The following TRPM2 variants were observed in gnomAD, a reference collection of about 807,000 sequenced individuals.
The protein encoded by TRPM2 is transient receptor potential cation channel subfamily M member 2, also known as estrogen-responsive element-associated gene 1 protein.
A neutral mutation model predicts 174.0 loss-of-function variants in TRPM2; 161 were observed. The ratio of observed to expected loss-of-function variants is 0.93; its 90% CI spans 0.81 to 1.05. The LOEUF (loss-of-function observed/expected upper bound fraction) is 1.05. Ranked by LOEUF, TRPM2 falls within the 50% of genes least tolerant of loss-of-function variation. The probability of loss-of-function intolerance (pLI) is 0.00; values close to 1 mark genes in which losing one functional copy is unlikely to be tolerated. For missense variants in TRPM2, 2,057 were observed against 2,038.0 expected, an observed-to-expected ratio of 1.01 and a Z score of -0.18; for synonymous variants, 954 against 861.3, an observed-to-expected ratio of 1.11 and a Z score of -1.88.
In TRPM2 at chr21:44,405,911, C is replaced by T. The variant is rs1385978075; in HGVS notation, c.2664C>T (p.Ile888=). The part of the protein sequence containing the change: ...LFVAGLTCRL[I]PATLYPGRVI... ...GCTTCTGCCCGGCGGCCAGGCTCATCCCGGCGACGCTGTACCCCGGGCGCG... is the reference window on the plus strand; with the variant it reads ...GCTTCTGCCCGGCGGCCAGGCTCATTCCGGCGACGCTGTACCCCGGGCGCG... The change falls in exon 18 of 32, where the codon ATC becomes ATT. Residue 888 remains isoleucine (I), a synonymous_variant. Transcript: ENST00000397928. 2.5e-6 allele frequency: 4 copies of T among 1,602,714 alleles called. No individual in the cohort carries two copies. The South Asian group carries it at 4.4e-5, about 18-fold the overall frequency.
intron 27 of TRPM2, 53 bp downstream of exon 27, chr21:44,427,164 G>T: frequency 1.4e-6 from 2 of 1,449,780 alleles, no homozygotes; most frequent in Non-Finnish European, 1.9e-6. Flanking sequence ...GTTTGCCTGG[G>T]GGGCAGGTTT....
At chr21:44,350,984 C>T (rs2047918976), upstream of TRPM2, among the ~76,000 whole-genome samples, 1 of 152,192 alleles carries the variant, frequency 6.6e-6, no homozygotes, top group Non-Finnish European at 1.5e-5. Context: ...CTGGCTTTCA[C>T]GCGGGGATTT....
At chr21:44,374,369 C>T (rs369842825) in intron 5 of TRPM2, among the ~76,000 whole-genome samples, 4 of 152,198 alleles carry the variant, frequency 2.6e-5, no homozygotes, top group East Asian at 3.9e-4. Context: ...GAACTGGTTT[C>T]GTGGAAGAGA....
At chr21:44,390,516 G>A (rs915258202) in intron 9 of TRPM2, among the ~76,000 whole-genome samples, 9 of 152,186 alleles carry the variant, frequency 5.9e-5, no homozygotes, top group African/African-American at 2.2e-4. Flanking sequence ...AAGGAAATGT[G>A]ATGGCTTCTG....
chr21:44,415,377 T>C (rs868493), intron 20 of TRPM2: 109,506 of 152,054 alleles, frequency 0.72, 39,830 homozygotes, highest in Non-Finnish European at 0.77. Context: ...GACATCATCA[T>C]GAGGGGCCGT....
intron 11 of TRPM2, among the ~76,000 whole-genome samples, chr21:44,394,495 A>AT (rs1164111100): frequency 6.6e-6 from 1 of 150,796 alleles, no homozygotes; most frequent in Non-Finnish European, 1.5e-5. Context: ...AATTTTTTGT[A>AT]TTTTTAGTAG....
At chr21:44,419,087 C>T (rs1411554773) in intron 22 of TRPM2, among the ~76,000 whole-genome samples, 10 of 152,196 alleles carry the variant, frequency 6.6e-5, no homozygotes, top group East Asian at 3.8e-4. Flanking sequence ...CCAGGCCTTC[C>T]GCCCTGCTAG....
upstream of TRPM2, among the ~76,000 whole-genome samples, chr21:44,352,502 G>A (rs2123001808): frequency 6.6e-6 from 1 of 152,256 alleles, no homozygotes; most frequent in Non-Finnish European, 1.5e-5. Context: ...GACAGTGACC[G>A]TCGTGTGTAG....
intron 24 of TRPM2, 68 bp from the exon 25 acceptor site, chr21:44,425,602 C>A: frequency 1.4e-6 from 2 of 1,428,150 alleles, no homozygotes; most frequent in Non-Finnish European, 1.8e-6. Context: ...CAGAGGAAGT[C>A]CTTGTCCTGC....
intron 2 of TRPM2, among the ~76,000 whole-genome samples, chr21:44,361,284 T>C (rs2048201505): frequency 2.6e-5 from 4 of 152,170 alleles, no homozygotes; most frequent in Admixed American, 2.0e-4. Flanking sequence ...GGCTAATTTT[T>C]GTATTTTCAG....
chr21:44,404,380 T>TAC (rs139087554), intron 16 of TRPM2, among the ~76,000 whole-genome samples: 94,883 of 150,480 alleles, frequency 0.63, 29,806 homozygotes, highest in East Asian at 0.76. Flanking sequence ...CACACATACA[T>TAC]ACACACACAT....
Position 44,441,880 on chromosome 21 carries a change from T to TC in TRPM2, c.*64dup. On this transcript the variant is annotated 3_prime_UTR_variant, in exon 32 of 32. Coordinates refer to ENST00000397928, the MANE Select transcript of TRPM2 (RefSeq NM_003307.4). ...TTCCCCCCAGAAACCAGGGCTTCTC[T>TC]CTCCTGAGCCTGGCCAGGACTCAGG... is the stretch of plus-strand genomic sequence containing the variant. The TC allele has an allele frequency of 9.9e-6, 15 of 1,518,006 alleles. No homozygotes were observed. The highest frequency in any genetic ancestry group is 1.3e-5 in the Non-Finnish European group (15 of 1,130,604). The allele number at this position is 1,518,006 out of a possible 1,614,324, so 94.0% of individuals were successfully genotyped here. A position where few individuals can be genotyped will look rare whatever the true frequency, so the allele number is the denominator to read the frequency against.
chr21:44,408,199 G>A (rs1045741070), intron 19 of TRPM2, among the ~76,000 whole-genome samples: 11 of 151,978 alleles, frequency 7.2e-5, no homozygotes, highest in Admixed American at 2.0e-4. Context: ...CACCCGCCTC[G>A]GCCTCCCAAA....
At chr21:44,377,180 T>C (rs1016688956) in intron 6 of TRPM2, among the ~76,000 whole-genome samples, 4 of 152,216 alleles carry the variant, frequency 2.6e-5, no homozygotes, top group Non-Finnish European at 5.9e-5. Flanking sequence ...CAGAGTTTGC[T>C]GCCTGGGGAA....
intron 22 of TRPM2, among the ~76,000 whole-genome samples, chr21:44,419,578 GGTAGT>G (rs1247156223): frequency 9.3e-5 from 14 of 151,186 alleles, no homozygotes; most frequent in East Asian, 3.9e-4. Flanking sequence ...TGGTGGTGAT[GGTAGT>G]GGTGGTAGTG....
intron 9 of TRPM2, among the ~76,000 whole-genome samples, chr21:44,385,304 G>A (rs1034166426): frequency 2.6e-5 from 4 of 152,164 alleles, no homozygotes; most frequent in African/African-American, 4.8e-5. Context: ...AACTCCCAGC[G>A]AATATCATGT....
upstream of TRPM2, among the ~76,000 whole-genome samples, chr21:44,352,614 G>A (rs1239094346): frequency 2.6e-5 from 4 of 152,206 alleles, no homozygotes; most frequent in African/African-American, 7.2e-5. Context: ...CACCTTTGGG[G>A]CAGTGGCAGG....
rs1442105445 is a variant in TRPM2 at position 44,407,028 on chromosome 21, G to C, written c.2962+263G>C. ...GTCAGAGTGGGCCGAGGGCACCTGG[G>C]GCATCAGCTGACAGCCCCCTGAAAT... On this transcript the variant is annotated intron_variant, in intron 19 of 31. Transcript: ENST00000397928. Among the ~76,000 whole-genome samples the C allele has an allele frequency of 2.7e-5, 4 of 149,498 alleles. No homozygotes were observed. In the East Asian group the frequency reaches 8.1e-4, roughly 30 times the overall value.
Position 44,375,984 on chromosome 21 carries a change from T to G in TRPM2, c.923T>G (p.Phe308Cys), listed in dbSNP as rs774673955. The stretch of plus-strand genomic sequence containing the variant: ...CCTCTGAGGACCAGGCTGGAGAAGT[T>G]CATATCGGAGCAGACCAAGGAAAGA... Reference protein sequence around the residue: ...EIPLRTRLEKFISEQTKERGG... With the variant: ...EIPLRTRLEKCISEQTKERGG... Residue 308 changes from phenylalanine to cysteine, a missense_variant, in exon 6 of 32, where the codon TTC becomes TGC. By Grantham distance (205) the Phe-to-Cys change is radical (BLOSUM62 -2). Transcript: ENST00000397928. 6.2e-7 allele frequency: 1 copy of G among 1,613,970 alleles called. No individual in the cohort carries two copies. Among genetic ancestry groups the G allele is most frequent in the South Asian group, 1.1e-5 (1 of 91,076 alleles).
Sources: gnomAD v4.1 joint callset for allele counts (sites outside exome capture counted in the v4.1 genomes callset) on GRCh38, gnomAD v4.1.1 for gene constraint, MANE v1.5 for transcripts, NCBI Gene and HGNC (gene_info 2026-07-23, HGNC 2026-07-21) for gene names.